Variants in CMKLR1 observed in about 807,000 individuals in gnomAD.
CMKLR1 encodes the protein chemerin-like receptor 1.
In CMKLR1, 6 loss-of-function variants were observed where a neutral mutation model predicts 8.2. The observed-to-expected ratio is 0.73, with a 90% CI of 0.40 to 1.44. The LOEUF is 1.44. CMKLR1 is among the 40% of genes most tolerant of loss of function. CMKLR1 has a pLI of 0.02. For synonymous variants in CMKLR1, 178 were observed against 181.2 expected (o/e 0.98, Z 0.14); for missense variants, 429 against 478.0 (o/e 0.90, Z 0.96).
Position 108,288,961 on chromosome 12 carries a change from C to CG in CMKLR1, c.*2879_*2880insC, listed in dbSNP as rs961069023. ...CAGAAACTCACTTTCTGCACCCCCC[C>CG]CCCACCTTGCTATGATGGTCCCCTT... On this transcript the variant is annotated 3_prime_UTR_variant, in exon 4 of 4. Coordinates refer to ENST00000550402, the MANE Select transcript of CMKLR1 (RefSeq NM_001142343.2). 2.6e-5 allele frequency: 4 copies of CG among 152,122 alleles called. No individual in the cohort carries two copies. The highest frequency in any genetic ancestry group is 4.4e-5 in the Non-Finnish European group (3 of 68,242). 9.4% of individuals were successfully genotyped at this position (152,122 alleles called of 1,614,324 possible).
At chr12:108,328,146 C>T (rs1176190717) in intron 2 of CMKLR1, among the ~76,000 whole-genome samples, 1 of 152,176 alleles carries the variant, frequency 6.6e-6, no homozygotes, top group Admixed American at 6.5e-5. Flanking sequence ...CAGACAGGGC[C>T]AGCTTCCCCC....
intron 2 of CMKLR1, among the ~76,000 whole-genome samples, chr12:108,329,641 G>C (rs1465634761): frequency 2.6e-5 from 4 of 152,120 alleles, no homozygotes; most frequent in African/African-American, 9.7e-5. Context: ...ATGGGTGACT[G>C]TGACCTGTGA....
intron 2 of CMKLR1, among the ~76,000 whole-genome samples, chr12:108,325,483 A>G (rs1211110483): frequency 6.6e-6 from 1 of 152,208 alleles, no homozygotes; most frequent in Non-Finnish European, 1.5e-5. Flanking sequence ...CCCAATTCCA[A>G]CTTCCCCAAT....
At chr12:108,315,677 T>C (rs1247218696) in intron 2 of CMKLR1, among the ~76,000 whole-genome samples, 1 of 152,172 alleles carries the variant, frequency 6.6e-6, no homozygotes, top group Non-Finnish European at 1.5e-5. Context: ...CCAGGAACTT[T>C]CCAGGATTTA....
intron 1 of CMKLR1, among the ~76,000 whole-genome samples, chr12:108,335,616 C>T (rs566682698): frequency 6.6e-5 from 10 of 152,256 alleles, no homozygotes; most frequent in Admixed American, 6.5e-4. Flanking sequence ...TTATTGTGGC[C>T]AAAGAGTAAG....
intron 2 of CMKLR1, among the ~76,000 whole-genome samples, chr12:108,305,974 C>G (rs758513376): frequency 5.3e-5 from 8 of 152,216 alleles, no homozygotes; most frequent in Non-Finnish European, 1.0e-4. Context: ...GAGACCCCCC[C>G]ACCCAAAATA....
At chr12:108,304,944 T>A (rs180796428) in intron 2 of CMKLR1, among the ~76,000 whole-genome samples, 13 of 152,326 alleles carry the variant, frequency 8.5e-5, no homozygotes, top group African/African-American at 2.9e-4. Context: ...ACTGGAAACA[T>A]TCCTCGCTCT....
At chr12:108,307,425 CT>C (rs1383158998) in intron 2 of CMKLR1, among the ~76,000 whole-genome samples, 1 of 152,302 alleles carries the variant, frequency 6.6e-6, no homozygotes, top group Non-Finnish European at 1.5e-5. Flanking sequence ...ACCCTCTGCC[CT>C]TGCTTCTCTT....
rs143228564 is a variant in CMKLR1 at position 108,327,718 on chromosome 12, G to C, written c.-74+2277C>G. Among the ~76,000 whole-genome samples the C allele has an allele frequency of 9.3e-3, 1,417 of 152,328 alleles. 21 individuals are homozygous for C. The highest frequency in any genetic ancestry group is 0.032 in the African/African-American group (1,327 of 41,558). ...AATCTTGGAGGCGGGAAGCAGGACT[G>C]GGCAGCAGCCCAGCCTGAACTCCAT... On this transcript the variant is annotated intron_variant, in intron 2 of 3. Coordinates refer to ENST00000550402, the MANE Select transcript of CMKLR1 (RefSeq NM_001142343.2).
chr12:108,293,503 G>T (rs1158558242), intron 3 of CMKLR1, 86 bp downstream of exon 3: 2 of 1,429,124 alleles, frequency 1.4e-6, no homozygotes, highest in Non-Finnish European at 9.6e-7. Context: ...AAACCAAGTG[G>T]ACAGCCTTGT....
chr12:108,303,722 C>T (rs1038857174), intron 2 of CMKLR1, among the ~76,000 whole-genome samples: 3 of 152,142 alleles, frequency 2.0e-5, no homozygotes, highest in Non-Finnish European at 4.4e-5. Flanking sequence ...TGGCAAGATT[C>T]AGGGTGTGCA....
rs191838957 is a variant in CMKLR1, at chr12:108,289,603, G to C, written c.*2238C>G. Reference sequence around the variant, plus strand: ...TCCTACAAGCCAGGAGGGCCAAGGCGCTGACGACTGCTGCTGTGACCCGGG... The same window carrying C: ...TCCTACAAGCCAGGAGGGCCAAGGCCCTGACGACTGCTGCTGTGACCCGGG... On this transcript the variant is annotated 3_prime_UTR_variant, in exon 4 of 4. Transcript: ENST00000550402. The C allele has an allele frequency of 6.6e-6, 1 of 152,244 alleles. No individual in the cohort carries two copies. The highest frequency in any genetic ancestry group is 1.5e-5 in the Non-Finnish European group (1 of 68,050). The allele number at this position is 152,244 out of a possible 1,614,324, so 9.4% of individuals were successfully genotyped here. A position where few individuals can be genotyped will look rare whatever the true frequency, so the allele number is the denominator to read the frequency against.
At chr12:108,331,356 C>A (rs904337860) in intron 1 of CMKLR1, among the ~76,000 whole-genome samples, 1 of 152,156 alleles carries the variant, frequency 6.6e-6, no homozygotes, top group African/African-American at 2.4e-5. Context: ...GTTCCTGGTT[C>A]GGTCCTGATA....
At chr12:108,306,924 G>C (rs1159159741) in intron 2 of CMKLR1, among the ~76,000 whole-genome samples, 2 of 152,172 alleles carry the variant, frequency 1.3e-5, no homozygotes, top group African/African-American at 4.8e-5. Flanking sequence ...ATGGACATCT[G>C]TCCTTCCAGG....
chr12:108,338,595 T>C (rs1892285089), intron 1 of CMKLR1, among the ~76,000 whole-genome samples: 1 of 152,086 alleles, frequency 6.6e-6, no homozygotes, highest in African/African-American at 2.4e-5. Flanking sequence ...AATCTAGCAA[T>C]TTCTAAAAGG....
intron 2 of CMKLR1, among the ~76,000 whole-genome samples, chr12:108,324,021 A>G (rs1891923185): frequency 6.6e-6 from 1 of 152,102 alleles, no homozygotes; most frequent in African/African-American, 2.4e-5. Context: ...CCTGTCAGAG[A>G]CCCAGCCCAG....
rs527853930 is a variant in CMKLR1 at position 108,291,632 on chromosome 12, G to C, written c.*209C>G. On this transcript the variant is annotated 3_prime_UTR_variant, in exon 4 of 4. Transcript: ENST00000550402. ...GCCTCCCAAGAAGCATAAATTGCTA[G>C]TCCAAGGCTGTATGGAACACAGCAT... 1.2e-5 allele frequency: 7 copies of C among 579,384 alleles called. No homozygotes were observed. The highest frequency in any genetic ancestry group is 2.1e-5 in the Non-Finnish European group (7 of 331,524). 35.9% of individuals were successfully genotyped at this position (579,384 alleles called of 1,614,324 possible).
intron 2 of CMKLR1, among the ~76,000 whole-genome samples, chr12:108,300,466 G>GATGAATGAATGA (rs5800818): frequency 7.9e-5 from 12 of 151,362 alleles, no homozygotes; most frequent in African/African-American, 2.7e-4. Context: ...AATATTGTTT[G>GATGAATGAATGA]ATGAATGAAT....
At chr12:108,323,964 C>T (rs192560851) in intron 2 of CMKLR1, among the ~76,000 whole-genome samples, 56 of 152,308 alleles carry the variant, frequency 3.7e-4, no homozygotes, top group African/African-American at 1.2e-3. Context: ...CTACTTCCAG[C>T]TCCAGAGAGA....
Sources: gnomAD v4.1 joint callset for allele counts (sites outside exome capture counted in the v4.1 genomes callset) on GRCh38, gnomAD v4.1.1 for gene constraint, MANE v1.5 for transcripts, NCBI Gene and HGNC (gene_info 2026-07-23, HGNC 2026-07-21) for gene names.